The following TMEM272 variants were observed in gnomAD, a reference collection of about 807,000 sequenced individuals.
The protein encoded by TMEM272 is long intergenic non-protein coding RNA 282.
In TMEM272, 8 loss-of-function variants were observed where a neutral mutation model predicts 3.7. That is an observed-to-expected ratio of 2.17 (90% CI 1.27 to 3.91). TMEM272 has a LOEUF of 3.91. Among genes scored for constraint, TMEM272 ranks in the 30% most tolerant of loss-of-function variants. The pLI is 0.00. For synonymous variants in TMEM272, 63 were observed against 39.8 expected, an observed-to-expected ratio of 1.58 and a Z score of -2.20; for missense variants, 166 against 91.5, an observed-to-expected ratio of 1.81 and a Z score of -3.32.
At chr13:51,846,629 T>C (rs955693009), upstream of TMEM272, among the ~76,000 whole-genome samples, 2 of 152,224 alleles carry the variant, frequency 1.3e-5, no homozygotes, top group Admixed American at 6.5e-5. Flanking sequence ...TCAGGAGGTA[T>C]CCAGAAGAAG....
the TMEM272 span, among the ~76,000 whole-genome samples, chr13:51,923,896 C>T: frequency 1.3e-5 from 2 of 152,212 alleles, no homozygotes; most frequent in Non-Finnish European, 2.9e-5. Context: ...AAATCTCACC[C>T]ACAGGCAGCA....
chr13:51,823,996 C>G (rs1956102472), intron 3 of TMEM272, among the ~76,000 whole-genome samples: 1 of 152,236 alleles, frequency 6.6e-6, no homozygotes, highest in Non-Finnish European at 1.5e-5. Flanking sequence ...AGCCTTTTCA[C>G]ACAAAGACCT....
chr13:51,857,815 G>A, the TMEM272 span, among the ~76,000 whole-genome samples: 1 of 151,786 alleles, frequency 6.6e-6, no homozygotes, highest in South Asian at 2.1e-4. Flanking sequence ...CCAAATAAAT[G>A]ACAAATTGTA....
the TMEM272 span, among the ~76,000 whole-genome samples, chr13:51,890,955 G>A: frequency 6.6e-6 from 1 of 152,168 alleles, no homozygotes; most frequent in Non-Finnish European, 1.5e-5. Context: ...GTTTGCCACT[G>A]TTGTCATGAA....
the TMEM272 span, among the ~76,000 whole-genome samples, chr13:51,912,486 A>G: frequency 3.9e-5 from 6 of 152,196 alleles, no homozygotes; most frequent in Non-Finnish European, 5.9e-5. Context: ...GGGGGACTGG[A>G]GAGAGGGTTT....
the TMEM272 span, among the ~76,000 whole-genome samples, chr13:51,899,902 G>A: frequency 6.6e-6 from 1 of 152,170 alleles, no homozygotes; most frequent in Non-Finnish European, 1.5e-5. Flanking sequence ...TATGGGAGAT[G>A]AACAGTCTTT....
chr13:51,908,739 G>T, the TMEM272 span: 293 of 1,452,964 alleles, frequency 2.0e-4, no homozygotes, highest in South Asian at 2.1e-3. Context: ...GCGTCTAGCA[G>T]AATTAGAATA....
chr13:51,840,771 C>T (rs1287090621), intron 1 of TMEM272, among the ~76,000 whole-genome samples: 1 of 152,252 alleles, frequency 6.6e-6, no homozygotes, highest in South Asian at 2.1e-4. Flanking sequence ...CTTCACAAGG[C>T]TCCATTTTCC....
At chr13:51,917,115 A>G in the TMEM272 span, among the ~76,000 whole-genome samples, 1 of 152,216 alleles carries the variant, frequency 6.6e-6, no homozygotes, top group Admixed American at 6.5e-5. Flanking sequence ...TATGGGTGCC[A>G]GCCCACCCAC....
intron 3 of TMEM272, among the ~76,000 whole-genome samples, chr13:51,824,240 C>T (rs1444118155): frequency 6.6e-6 from 1 of 152,226 alleles, no homozygotes; most frequent in Non-Finnish European, 1.5e-5. Flanking sequence ...CCTACCTTAA[C>T]TCTAGATTTT....
the TMEM272 span, among the ~76,000 whole-genome samples, chr13:51,926,887 TA>T: frequency 6.6e-6 from 1 of 152,100 alleles, no homozygotes; most frequent in Non-Finnish European, 1.5e-5. Context: ...TCTATCAATT[TA>T]AAAAATAAAA....
chr13:51,886,409 C>G, the TMEM272 span, among the ~76,000 whole-genome samples: 1 of 152,058 alleles, frequency 6.6e-6, no homozygotes, highest in African/African-American at 2.4e-5. Context: ...TTCAAAATAC[C>G]CTGTGAGGAA....
At chr13:51,919,323 A>G in the TMEM272 span, among the ~76,000 whole-genome samples, 1 of 152,206 alleles carries the variant, frequency 6.6e-6, no homozygotes, top group African/African-American at 2.4e-5. Context: ...ACCCAGATTT[A>G]ACCAGTGCTG....
chr13:51,843,058 T>C (rs796985937), intron 1 of TMEM272, among the ~76,000 whole-genome samples: 10 of 152,336 alleles, frequency 6.6e-5, no homozygotes, highest in African/African-American at 2.4e-4. Flanking sequence ...TAACCAGCAC[T>C]GGGTGGCTGA....
chr13:51,892,857 T>C, the TMEM272 span, among the ~76,000 whole-genome samples: 1 of 152,154 alleles, frequency 6.6e-6, no homozygotes, highest in Admixed American at 6.5e-5. Context: ...GTTGCTAATC[T>C]CTGGGTTGCC....
the TMEM272 span, among the ~76,000 whole-genome samples, chr13:51,891,628 C>A: frequency 6.6e-6 from 1 of 152,208 alleles, no homozygotes; most frequent in Non-Finnish European, 1.5e-5. Context: ...ACTTTCCCTG[C>A]TTTGTGCATT....
At chr13:51,887,090 T>C in the TMEM272 span, among the ~76,000 whole-genome samples, 2 of 152,206 alleles carry the variant, frequency 1.3e-5, no homozygotes, top group Non-Finnish European at 2.9e-5. Context: ...CTTATTTTCC[T>C]CTTTTGAGCC....
chr13:51,821,825 T>A (rs1337068041), intron 4 of TMEM272, among the ~76,000 whole-genome samples: 1 of 152,092 alleles, frequency 6.6e-6, no homozygotes, highest in Non-Finnish European at 1.5e-5. Context: ...CTTAGCACAT[T>A]GAACTCAACA....
chr13:51,912,848 T>G, the TMEM272 span, among the ~76,000 whole-genome samples: 1 of 152,156 alleles, frequency 6.6e-6, no homozygotes, highest in African/African-American at 2.4e-5. Context: ...CATACACGAA[T>G]GAAGCAGAAA....
Sources: allele counts gnomAD v4.1 joint callset (sites outside exome capture counted in the v4.1 genomes callset), GRCh38; gene constraint gnomAD v4.1.1; transcripts MANE v1.5; gene names NCBI Gene and HGNC (gene_info 2026-07-23, HGNC 2026-07-21).